The following PLCXD1 variants were observed in gnomAD, a reference collection of about 807,000 sequenced individuals.
PLCXD1 encodes PI-PLC X domain-containing protein 1.
In PLCXD1, 45 loss-of-function variants were observed where a neutral mutation model predicts 37.8. The ratio of observed to expected loss-of-function variants is 1.19; its 90% CI spans 0.94 to 1.53. The LOEUF (loss-of-function observed/expected upper bound fraction) is 1.53. PLCXD1 is among the 40% of genes most tolerant of loss of function. The pLI, the probability that PLCXD1 is intolerant of heterozygous loss-of-function variation, is 0.00. For synonymous variants in PLCXD1, 246 were observed against 206.9 expected, an observed-to-expected ratio of 1.19 and a Z score of -1.62; for missense variants, 539 against 454.7, an observed-to-expected ratio of 1.19 and a Z score of -1.69.
intron 6 of PLCXD1, among the ~76,000 whole-genome samples, chrX:296,109 G>T (rs951344221): frequency 6.6e-6 from 1 of 151,308 alleles, no homozygotes; most frequent in African/African-American, 2.4e-5. Flanking sequence ...ACTGTGCCCG[G>T]CCTTTTTTTG....
At chrX:286,189 C>G (rs1172847106) in intron 2 of PLCXD1, among the ~76,000 whole-genome samples, 1 of 151,996 alleles carries the variant, frequency 6.6e-6, no homozygotes, top group Non-Finnish European at 1.5e-5. Flanking sequence ...CTCAGCCTCC[C>G]GAGTAGCTGG....
upstream of PLCXD1, among the ~76,000 whole-genome samples, chrX:279,289 C>G (rs1015545992): frequency 1.3e-5 from 2 of 152,088 alleles, no homozygotes; most frequent in African/African-American, 4.8e-5. Flanking sequence ...CTTGGCTGCT[C>G]CAGACTTCTT....
In PLCXD1 at chrX:285,499, T is replaced by C. The variant is rs1044525549; in HGVS notation, c.127+1185T>C. 8.5e-5 allele frequency among the ~76,000 whole-genome samples: 13 copies of C among 152,114 alleles called. No individual in the cohort carries two copies. The South Asian group carries it at 2.5e-3, about 29-fold the overall frequency. The stretch of plus-strand genomic sequence containing the variant: ...GCACCTATGCACGCAGAGACACGTC[T>C]ATGCAATGCATGTATACACGTGTAC... On this transcript the variant is annotated intron_variant, in intron 2 of 6. Coordinates refer to ENST00000381657, the MANE Select transcript of PLCXD1 (RefSeq NM_018390.4).
chrX:276,733 TCCTCACCCTGCCG>T (rs2069164416), upstream of PLCXD1, among the ~76,000 whole-genome samples: 1 of 152,052 alleles, frequency 6.6e-6, no homozygotes, highest in Non-Finnish European at 1.5e-5. Context: ...CGGTTGGACG[TCCTCACCCTGCCG>T]CCGGGGCCTG....
intron 2 of PLCXD1, 83 bp from the exon 3 acceptor site, chrX:288,650 T>A (rs2069529988): frequency 6.9e-7 from 1 of 1,455,436 alleles, no homozygotes; most frequent in Non-Finnish European, 9.6e-7. Flanking sequence ...CAGCCTGTGC[T>A]GTAGGCGGGC....
At chrX:282,947 ATATATATAT>A (rs902771266) in intron 1 of PLCXD1, among the ~76,000 whole-genome samples, 4 of 61,258 alleles carry the variant, frequency 6.5e-5, no homozygotes, top group African/African-American at 4.9e-4. Context: ...TATATATATT[ATATATATAT>A]TATATATGTA....
intron 1 of PLCXD1, among the ~76,000 whole-genome samples, chrX:282,944 A>G (rs867426183): frequency 4.6e-5 from 4 of 86,164 alleles, no homozygotes; most frequent in Non-Finnish European, 9.2e-5. Flanking sequence ...TTATATATAT[A>G]TTATATATAT....
chrX:290,511 T>C, intron 3 of PLCXD1, 137 bp from the exon 4 acceptor site: 1 of 885,598 alleles, frequency 1.1e-6, no homozygotes, highest in Non-Finnish European at 1.8e-6. Flanking sequence ...TCCCAGCACA[T>C]ACAAACAGCT....
At chrX:285,339 T>C (rs755489015) in intron 2 of PLCXD1, among the ~76,000 whole-genome samples, 33 of 149,782 alleles carry the variant, frequency 2.2e-4, no homozygotes, top group Admixed American at 1.8e-3. Flanking sequence ...CACATGCACA[T>C]GCACACGTGT....
chrX:286,455 GC>G (rs1462937770), intron 2 of PLCXD1, among the ~76,000 whole-genome samples: 1 of 152,112 alleles, frequency 6.6e-6, no homozygotes, highest in Admixed American at 6.6e-5. Context: ...AGCAGGACCA[GC>G]CGCAGACAAA....
At chrX:295,452 G>A (rs760389751) in intron 6 of PLCXD1, among the ~76,000 whole-genome samples, 21 of 152,090 alleles carry the variant, frequency 1.4e-4, no homozygotes, top group African/African-American at 5.1e-4. Flanking sequence ...GTCACGGGCC[G>A]GGCAAAGGAG....
chrX:291,151 CTTT>C (rs1282122870), intron 4 of PLCXD1, among the ~76,000 whole-genome samples: 1 of 143,500 alleles, frequency 7.0e-6, no homozygotes, highest in Non-Finnish European at 1.5e-5. Context: ...TTTTTTTTTG[CTTT>C]TTTTTTTTGG....
At position 290,793 on chromosome X, in the gene PLCXD1, G is replaced by A; in HGVS notation, c.393+17G>A. 2 of 1,610,496 alleles carry A rather than the reference G, an allele frequency of 1.2e-6. No individual in the cohort carries two copies. Among genetic ancestry groups the A allele is most frequent in the South Asian group, 1.1e-5 (1 of 90,808 alleles). On this transcript the variant is annotated intron_variant, in intron 4 of 6. Transcript: ENST00000381657. ...CTGGTGGAGGTGCGGCCGGGCTGAG[G>A]TGGGACGCAATGGGGAGAGTGGGAG...
intron 2 of PLCXD1, among the ~76,000 whole-genome samples, chrX:288,403 T>C (rs900039397): frequency 5.9e-5 from 9 of 152,122 alleles, no homozygotes; most frequent in African/African-American, 1.9e-4. Flanking sequence ...AGTCTCTGCC[T>C]CCGTCTCCAC....
At chrX:297,815 A>T (rs866564603) in intron 6 of PLCXD1, among the ~76,000 whole-genome samples, 1 of 43,474 alleles carries the variant, frequency 2.3e-5, no homozygotes, top group Non-Finnish European at 3.5e-5. Context: ...TCTGTCTATC[A>T]CATGGGGATT....
At position 287,511 on chromosome X, in the gene PLCXD1, TTATA is replaced by T. The variant is rs1053401474; in HGVS notation, c.128-1217_128-1214del. Reference sequence around the variant, plus strand: ...ATATAGATATAGATACTATATATGTTTATATATAGATATAGATACTATATATGTT... The same window carrying T: ...ATATAGATATAGATACTATATATGTTTATAGATATAGATACTATATATGTT... On this transcript the variant is annotated intron_variant, in intron 2 of 6. Transcript: ENST00000381657. 1.7e-4 allele frequency among the ~76,000 whole-genome samples: 20 copies of T among 117,224 alleles called. 1 individual carries two copies. The highest frequency in any genetic ancestry group is 6.2e-4 in the East Asian group (3 of 4,806). 76.9% of individuals were successfully genotyped at this position (117,224 alleles called of 152,430 possible). A position where few individuals can be genotyped will look rare whatever the true frequency, so the allele number is the denominator to read the frequency against.
intron 2 of PLCXD1, 82 bp from the exon 3 acceptor site, chrX:288,651 G>A: frequency 2.0e-6 from 3 of 1,464,726 alleles, no homozygotes; most frequent in Non-Finnish European, 2.9e-6. Flanking sequence ...AGCCTGTGCT[G>A]TAGGCGGGCT....
Position 300,111 on chromosome X carries a change from C to T in PLCXD1, c.*776C>T, listed in dbSNP as rs754275555. The T allele has an allele frequency of 2.7e-5, 4 of 150,340 alleles. No individual in the cohort carries two copies. The highest frequency in any genetic ancestry group is 9.7e-5 in the African/African-American group (4 of 41,092). 9.3% of individuals were successfully genotyped at this position (150,340 alleles called of 1,614,324 possible). On this transcript the variant is annotated 3_prime_UTR_variant, in exon 7 of 7. Transcript: ENST00000381657. ...CTATGTTGGCCAGGTTGGTCTTGAA[C>T]TCCTGGCCTCAAGTGATCCTCCCAC...
At chrX:291,287 A>G (rs2069625739) in intron 4 of PLCXD1, among the ~76,000 whole-genome samples, 1 of 151,984 alleles carries the variant, frequency 6.6e-6, no homozygotes. Flanking sequence ...CTGGGATTAC[A>G]GACGCCGGAC....
Sources: gnomAD v4.1 joint callset for allele counts (sites outside exome capture counted in the v4.1 genomes callset) on GRCh38, gnomAD v4.1.1 for gene constraint, MANE v1.5 for transcripts, NCBI Gene and HGNC (gene_info 2026-07-23, HGNC 2026-07-21) for gene names.